The following ARHGAP10 variants were observed in gnomAD, a reference collection of about 807,000 sequenced individuals.
ARHGAP10 encodes the protein rho GTPase-activating protein 10.
A neutral mutation model predicts 108.6 loss-of-function variants in ARHGAP10; 87 were observed. The observed-to-expected ratio is 0.80, with a 90% confidence interval of 0.67 to 0.96. The LOEUF (loss-of-function observed/expected upper bound fraction) is 0.96, where lower values mean the gene tolerates loss of function less well. Ranked by LOEUF, ARHGAP10 falls within the 40% of genes least tolerant of loss-of-function variation. ARHGAP10 has a pLI of 0.00. For synonymous variants in ARHGAP10, 347 were observed against 341.1 expected (o/e 1.02, Z -0.19); for missense variants, 939 against 954.5 (o/e 0.98, Z 0.21).
At chr4:147,952,573 G>A (rs1161926175) in intron 15 of ARHGAP10, among the ~76,000 whole-genome samples, 1 of 152,078 alleles carries the variant, frequency 6.6e-6, no homozygotes, top group Admixed American at 6.5e-5. Flanking sequence ...TGAAGTGTCT[G>A]TGCATATCTT....
chr4:147,958,156 C>T (rs1738859339), intron 16 of ARHGAP10, among the ~76,000 whole-genome samples: 1 of 152,196 alleles, frequency 6.6e-6, no homozygotes, highest in African/African-American at 2.4e-5. Context: ...TGCGTGATGT[C>T]TGTTACCTTT....
chr4:147,877,692 G>A (rs1442091556), intron 8 of ARHGAP10, among the ~76,000 whole-genome samples: 1 of 152,150 alleles, frequency 6.6e-6, no homozygotes, highest in Non-Finnish European at 1.5e-5. Context: ...CTGACATACA[G>A]CATTGTCCTG....
chr4:147,843,084 A>G (rs1303653482), intron 3 of ARHGAP10, among the ~76,000 whole-genome samples: 1 of 152,178 alleles, frequency 6.6e-6, no homozygotes, highest in African/African-American at 2.4e-5. Context: ...GCTTTTTGTC[A>G]TGAAGCCCAC....
At chr4:148,020,557 T>A (rs935589735) in intron 18 of ARHGAP10, among the ~76,000 whole-genome samples, 2 of 152,104 alleles carry the variant, frequency 1.3e-5, no homozygotes, top group South Asian at 2.1e-4. Flanking sequence ...TTTTTTTTTT[T>A]ATTCCTGCAT....
At chr4:147,850,777 G>C (rs541110416) in intron 4 of ARHGAP10, among the ~76,000 whole-genome samples, 1 of 152,308 alleles carries the variant, frequency 6.6e-6, no homozygotes, top group Admixed American at 6.5e-5. Flanking sequence ...GATGCATCAC[G>C]TCAAGAGTTT....
Position 147,747,662 on chromosome 4 carries a change from G to A in ARHGAP10, c.154+15207G>A, listed in dbSNP as rs538920114. Among the ~76,000 whole-genome samples, 9 of 152,220 alleles carry A rather than the reference G, an allele frequency of 5.9e-5. No homozygotes were observed. The East Asian group carries it at 1.7e-3, about 29-fold the overall frequency. ...TTGGTGTCCTGTTTTTTTGTGGAAAGGATAGAGTTTAAAAATTAATCTGAA... is the reference window on the plus strand; with the variant it reads ...TTGGTGTCCTGTTTTTTTGTGGAAAAGATAGAGTTTAAAAATTAATCTGAA... On this transcript the variant is annotated intron_variant, in intron 1 of 22. Transcript: ENST00000336498.
intron 13 of ARHGAP10, among the ~76,000 whole-genome samples, chr4:147,924,020 G>T (rs969213286): frequency 6.6e-6 from 1 of 152,222 alleles, no homozygotes; most frequent in African/African-American, 2.4e-5. Context: ...TGAGGTGAGC[G>T]TGGGTGGAAA....
intron 14 of ARHGAP10, among the ~76,000 whole-genome samples, chr4:147,945,014 A>G (rs1738316298): frequency 1.3e-5 from 2 of 152,050 alleles, no homozygotes; most frequent in South Asian, 4.2e-4. Flanking sequence ...CATTATCTCC[A>G]TTGTGCAGAT....
At chr4:147,967,268 G>A (rs1264142759) in intron 18 of ARHGAP10, among the ~76,000 whole-genome samples, 2 of 152,214 alleles carry the variant, frequency 1.3e-5, no homozygotes, top group African/African-American at 2.4e-5. Flanking sequence ...TGGGGCCAGA[G>A]GACCATGAGC....
chr4:147,959,441 A>C (rs775963077), intron 16 of ARHGAP10, among the ~76,000 whole-genome samples: 1 of 152,146 alleles, frequency 6.6e-6, no homozygotes, highest in Non-Finnish European at 1.5e-5. Context: ...GTATGTATAC[A>C]TGTGCCATGT....
intron 20 of ARHGAP10, among the ~76,000 whole-genome samples, chr4:148,061,983 A>G (rs1729641093): frequency 6.6e-6 from 1 of 152,152 alleles, no homozygotes; most frequent in Non-Finnish European, 1.5e-5. Flanking sequence ...GAGCTGAGCC[A>G]AGGAAGGGCA....
intron 1 of ARHGAP10, among the ~76,000 whole-genome samples, chr4:147,772,397 C>T (rs981091100): frequency 2.0e-5 from 3 of 152,084 alleles, no homozygotes; most frequent in African/African-American, 7.2e-5. Context: ...AGTTTTTTAT[C>T]TTTTTTTTAA....
intron 19 of ARHGAP10, among the ~76,000 whole-genome samples, chr4:148,030,002 C>T (rs181557099): frequency 3.4e-5 from 5 of 148,184 alleles, no homozygotes; most frequent in African/African-American, 7.9e-5. Flanking sequence ...CATCCCCCCC[C>T]CCACCAACCC....
intron 19 of ARHGAP10, among the ~76,000 whole-genome samples, chr4:148,035,489 T>G (rs1728337296): frequency 6.6e-6 from 1 of 152,232 alleles, no homozygotes; most frequent in Non-Finnish European, 1.5e-5. Flanking sequence ...ATACATTATA[T>G]TAGCCAAGTG....
At chr4:148,005,472 C>T (rs577118068) in intron 18 of ARHGAP10, among the ~76,000 whole-genome samples, 5 of 152,080 alleles carry the variant, frequency 3.3e-5, no homozygotes, top group Non-Finnish European at 7.4e-5. Context: ...TTACAATATT[C>T]TGTATGTATC....
chr4:147,982,536 C>A (rs1216416983), intron 18 of ARHGAP10, among the ~76,000 whole-genome samples: 1 of 146,980 alleles, frequency 6.8e-6, no homozygotes, highest in Non-Finnish European at 1.5e-5. Context: ...GCCATCACAC[C>A]CAGCTAAATC....
At chr4:147,833,557 T>A (rs943417672) in intron 3 of ARHGAP10, among the ~76,000 whole-genome samples, 1 of 152,214 alleles carries the variant, frequency 6.6e-6, no homozygotes, top group African/African-American at 2.4e-5. Context: ...TTTTGATGAC[T>A]GAGATGAAAA....
chr4:147,952,529 A>G (rs1441396209), intron 15 of ARHGAP10, among the ~76,000 whole-genome samples: 1 of 152,018 alleles, frequency 6.6e-6, no homozygotes, highest in African/African-American at 2.4e-5. Flanking sequence ...ACTTTTTTCC[A>G]TGTGCTTATT....
intron 20 of ARHGAP10, among the ~76,000 whole-genome samples, chr4:148,051,820 T>G (rs1729151154): frequency 6.6e-6 from 1 of 152,246 alleles, no homozygotes; most frequent in African/African-American, 2.4e-5. Context: ...CCTATTCCCA[T>G]ATACAGCCTT....
Sources: gnomAD v4.1 joint callset for allele counts (sites outside exome capture counted in the v4.1 genomes callset) on GRCh38, gnomAD v4.1.1 for gene constraint, MANE v1.5 for transcripts, NCBI Gene and HGNC (gene_info 2026-07-23, HGNC 2026-07-21) for gene names.